The following MAN1B1 variants were observed in gnomAD, a reference collection of about 807,000 sequenced individuals.
MAN1B1 encodes the protein mannosidase alpha class 1B member 1, also known as endoplasmic reticulum mannosyl-oligosaccharide 1,2-alpha-mannosidase.
A neutral mutation model predicts 75.5 loss-of-function variants in MAN1B1; 66 were observed. That is an observed-to-expected ratio of 0.87 (90% CI 0.72 to 1.07). The LOEUF (loss-of-function observed/expected upper bound fraction) is 1.07, where lower values mean the gene tolerates loss of function less well. MAN1B1 is among the 50% of genes least tolerant of loss of function. MAN1B1 has a pLI of 0.00. For synonymous variants in MAN1B1, 453 were observed against 382.8 expected, an observed-to-expected ratio of 1.18 and a Z score of -2.14; for missense variants, 973 against 912.5, an observed-to-expected ratio of 1.07 and a Z score of -0.85.
intron 5 of MAN1B1, 38 bp downstream of exon 5, chr9:137,097,975 C>G: frequency 2.0e-6 from 3 of 1,489,890 alleles, no homozygotes; most frequent in Non-Finnish European, 2.7e-6. Flanking sequence ...CCCGGGCGCT[C>G]AGGGGCTGGT....
chr9:137,101,837 G>T (rs1279778390), intron 8 of MAN1B1, 165 bp downstream of exon 8: 3 of 885,432 alleles, frequency 3.4e-6, no homozygotes, highest in Non-Finnish European at 5.4e-6. Flanking sequence ...GGCGTGGTCG[G>T]TGGTGTTACA....
At chr9:137,087,248 C>A in intron 1 of MAN1B1, 30 bp downstream of exon 1, 1 of 1,549,768 alleles carries the variant, frequency 6.5e-7, no homozygotes, top group African/African-American at 1.4e-5. Flanking sequence ...GACTGGGGCC[C>A]GGGGCTGCCG....
intron 3 of MAN1B1, among the ~76,000 whole-genome samples, chr9:137,094,671 G>C (rs1041551008): frequency 2.0e-5 from 3 of 151,678 alleles, no homozygotes; most frequent in Non-Finnish European, 4.4e-5. Context: ...TTGAGACCAG[G>C]AGTTCAAAAC....
intron 4 of MAN1B1, 115 bp downstream of exon 4, chr9:137,096,506 T>C: frequency 1.5e-6 from 2 of 1,365,130 alleles, no homozygotes; most frequent in Non-Finnish European, 2.0e-6. Flanking sequence ...TGACAGTGTA[T>C]GCTCTGTAAT....
rs907349561 is a variant in MAN1B1 at position 137,108,105 on chromosome 9, C to CTGCCCTG, written c.1897-265_1897-259dup. The CTGCCCTG allele has an allele frequency of 5.6e-4, 339 of 607,108 alleles. 1 individual carries two copies. The highest frequency in any genetic ancestry group is 1.4e-3 in the East Asian group (52 of 36,548). 37.6% of individuals were successfully genotyped at this position (607,108 alleles called of 1,614,324 possible). A position where few individuals can be genotyped will look rare whatever the true frequency, so the allele number is the denominator to read the frequency against. On this transcript the variant is annotated intron_variant, in intron 12 of 12. Coordinates refer to ENST00000371589, the MANE Select transcript of MAN1B1 (RefSeq NM_016219.5). Reference sequence around the variant, plus strand: ...CCCCCGCTGCCTCCGCTCCCACCGTCTGCCCTGTGCCCTGTGCCCTGTGCG... The same window carrying CTGCCCTG: ...CCCCCGCTGCCTCCGCTCCCACCGTCTGCCCTGTGCCCTGTGCCCTGTGCCCTGTGCG...
chr9:137,095,492 G>A (rs1830628262), intron 3 of MAN1B1, among the ~76,000 whole-genome samples: 1 of 152,180 alleles, frequency 6.6e-6, no homozygotes, highest in Non-Finnish European at 1.5e-5. Context: ...GCCAAGGCAG[G>A]AGGAATTCGT....
At chr9:137,091,716 C>T (rs2130993228) in intron 3 of MAN1B1, among the ~76,000 whole-genome samples, 1 of 151,298 alleles carries the variant, frequency 6.6e-6, no homozygotes, top group African/African-American at 2.4e-5. Context: ...TTAGTAGAGA[C>T]GGGGTTTCAC....
Position 137,104,733 on chromosome 9 carries a change from T to C in MAN1B1, c.1255-1392T>C, listed in dbSNP as rs1564308381. The C allele has an allele frequency of 1.3e-5, 2 of 158,026 alleles. 1 individual carries two copies. The highest frequency in any genetic ancestry group is 4.8e-5 in the African/African-American group (2 of 41,436). The allele number at this position is 158,026 out of a possible 1,614,324, so 9.8% of individuals were successfully genotyped here. A position where few individuals can be genotyped will look rare whatever the true frequency, so the allele number is the denominator to read the frequency against. ...GCGGGTGCACACGCCTGCCTGAGGCTGTGTTTTGGCCGTTGTGAGTGTGGG... is the reference window on the plus strand; with the variant it reads ...GCGGGTGCACACGCCTGCCTGAGGCCGTGTTTTGGCCGTTGTGAGTGTGGG... On this transcript the variant is annotated intron_variant, in intron 8 of 12. Coordinates refer to ENST00000371589, the MANE Select transcript of MAN1B1 (RefSeq NM_016219.5).
chr9:137,097,926 A>G lies in MAN1B1; in HGVS notation c.719A>G (p.Gln240Arg), dbSNP rs587780390. ...TKPPLPPART[Q>R]GTPVHLNYRQ... ...CCTCCCCTGCCACCGGCCAGGACAC[A>G]GGGCACACCAGGTGAGGCCACACCT... Residue 240 changes from glutamine (Q) to arginine (R), a missense_variant, in exon 5 of 13, where the codon CAG becomes CGG. Transcript: ENST00000371589. 26 of 1,555,924 alleles carry G rather than the reference A, an allele frequency of 1.7e-5. No individual in the cohort carries two copies. The South Asian group carries it at 2.7e-4, about 16-fold the overall frequency.
intron 3 of MAN1B1, among the ~76,000 whole-genome samples, chr9:137,092,654 T>C (rs1830546291): frequency 6.6e-6 from 1 of 152,254 alleles, no homozygotes; most frequent in Non-Finnish European, 1.5e-5. Context: ...GATTTTGATG[T>C]CCTATGACGT....
At chr9:137,099,601 C>T (rs1287734661) in intron 5 of MAN1B1, 95 bp from the exon 6 acceptor site, 2 of 1,367,730 alleles carry the variant, frequency 1.5e-6, no homozygotes, top group African/African-American at 1.4e-5. Flanking sequence ...ATCTTTGCCC[C>T]ATGGGGGTCA....
chr9:137,108,657 T>C lies in MAN1B1; in HGVS notation c.*66T>C. On this transcript the variant is annotated 3_prime_UTR_variant, in exon 13 of 13. Transcript: ENST00000371589. The stretch of plus-strand genomic sequence containing the variant: ...GCACCTTGCTGGGTCTGTGGCATTT[T>C]CCAAGGGCCCACGTAGCACCGGCAA... 6.7e-7 allele frequency: 1 copy of C among 1,502,420 alleles called. No individual in the cohort carries two copies. Among genetic ancestry groups the C allele is most frequent in the Non-Finnish European group, 9.3e-7 (1 of 1,080,264 alleles). The allele number at this position is 1,502,420 out of a possible 1,614,324, so 93.1% of individuals were successfully genotyped here.
chr9:137,102,501 CAG>C, intron 8 of MAN1B1: 1 of 361,704 alleles, frequency 2.8e-6, no homozygotes, highest in Non-Finnish European at 5.2e-6. Context: ...GCGTGCAGGT[CAG>C]TGTTACACAC....
intron 3 of MAN1B1, 189 bp downstream of exon 3, chr9:137,089,194 A>C (rs1165155468): frequency 1.4e-6 from 1 of 736,020 alleles, no homozygotes. Context: ...CTTTTTGAAG[A>C]CCAGCCATGG....
rs761949862 is a variant in MAN1B1, at chr9:137,087,017, CAGG to C, written c.21_23del (p.Arg8del). On this transcript the variant is annotated inframe_deletion, in exon 1 of 13. Transcript: ENST00000371589. ...GCGCTGCGATGGCTGCCTGCGAGGGCAGGAGAAGCGGAGCTCTCGGTTCCTCTC... is the reference window on the plus strand; with the variant it reads ...GCGCTGCGATGGCTGCCTGCGAGGGCAGAAGCGGAGCTCTCGGTTCCTCTC... The C allele has an allele frequency of 6.3e-7, 1 of 1,599,684 alleles. No homozygotes were observed. Among genetic ancestry groups the C allele is most frequent in the Non-Finnish European group, 8.5e-7 (1 of 1,175,136 alleles).
chr9:137,088,464 T>C lies in MAN1B1; in HGVS notation c.328+281T>C, dbSNP rs987278918. The C allele has an allele frequency of 3.3e-6, 5 of 1,505,126 alleles. No homozygotes were observed. The Admixed American group carries it at 6.9e-5, about 21-fold the overall frequency. The allele number at this position is 1,505,126 out of a possible 1,614,324, so 93.2% of individuals were successfully genotyped here. A position where few individuals can be genotyped will look rare whatever the true frequency, so the allele number is the denominator to read the frequency against. ...AGCTGGTGGGCTTGAACACTCAGCC[T>C]AAATAACCACACAAATTTCGTAGCA... On this transcript the variant is annotated intron_variant, in intron 2 of 12. Coordinates refer to ENST00000371589, the MANE Select transcript of MAN1B1 (RefSeq NM_016219.5).
intron 4 of MAN1B1, among the ~76,000 whole-genome samples, chr9:137,097,102 G>T (rs1432399761): frequency 6.6e-6 from 1 of 152,196 alleles, no homozygotes; most frequent in African/African-American, 2.4e-5. Context: ...GCATGTGAGG[G>T]GTCCTCACGG....
rs1028994193 is a variant in MAN1B1, at chr9:137,101,425, G to T, written c.1066-59G>T. The T allele has an allele frequency of 2.0e-6, 3 of 1,509,634 alleles. No homozygotes were observed. In the South Asian group the frequency reaches 3.4e-5, roughly 17 times the overall value. The allele number at this position is 1,509,634 out of a possible 1,614,324, so 93.5% of individuals were successfully genotyped here. Reference sequence around the variant, plus strand: ...TGTCTCCACTGAACTGCATGAAAGGGTGTAGACGAGGCCTCTGGGTGACCT... The same window carrying T: ...TGTCTCCACTGAACTGCATGAAAGGTTGTAGACGAGGCCTCTGGGTGACCT... On this transcript the variant is annotated intron_variant, in intron 7 of 12. Transcript: ENST00000371589.
chr9:137,108,357 G>C, intron 12 of MAN1B1, 31 bp from the exon 13 acceptor site: 1 of 1,589,142 alleles, frequency 6.3e-7, no homozygotes, highest in South Asian at 1.1e-5. Context: ...GGTGCCCCCC[G>C]TGTGGTGACG....
Sources: allele counts gnomAD v4.1 joint callset (sites outside exome capture counted in the v4.1 genomes callset), GRCh38; gene constraint gnomAD v4.1.1; transcripts MANE v1.5; gene names NCBI Gene and HGNC (gene_info 2026-07-23, HGNC 2026-07-21).